The following UBA2 variants were observed in gnomAD, a reference collection of about 807,000 sequenced individuals.
The protein encoded by UBA2 is ubiquitin like modifier activating enzyme 2.
Under a neutral mutation model 77.2 loss-of-function variants are expected in UBA2, and 11 were observed. The observed-to-expected ratio is 0.14, with a 90% CI of 0.09 to 0.24. UBA2 has a LOEUF of 0.24. Among genes scored for constraint, UBA2 ranks in the 10% least tolerant of loss-of-function variants. UBA2 has a pLI of 1.00. For missense variants in UBA2, 487 were observed against 781.7 expected, an observed-to-expected ratio of 0.62 and a Z score of 4.50; for synonymous variants, 278 against 276.7, an observed-to-expected ratio of 1.00 and a Z score of -0.05.
chr19:34,451,748 A>G (rs1467814236), intron 9 of UBA2, among the ~76,000 whole-genome samples: 4 of 151,880 alleles, frequency 2.6e-5, no homozygotes, highest in South Asian at 2.1e-4. Context: ...GGGTTTCACC[A>G]TGTTAGCCAG....
chr19:34,453,250 GCT>G (rs1423364323), intron 10 of UBA2, among the ~76,000 whole-genome samples: 5 of 152,140 alleles, frequency 3.3e-5, no homozygotes. Context: ...AAAGAACTAT[GCT>G]CTCAGTATTT....
chr19:34,444,951 C>G, intron 7 of UBA2, 49 bp from the exon 8 acceptor site: 1 of 1,568,440 alleles, frequency 6.4e-7, no homozygotes, highest in Admixed American at 1.9e-5. Flanking sequence ...GAAAAGAGTT[C>G]AGTTCTACAT....
At position 34,458,756 on chromosome 19, in the gene UBA2, T is replaced by C. The variant is rs762065525; in HGVS notation, c.1246-13T>C. ...CACGTTTCCGATTTCTGCCTGTTAT[T>C]TCTCCTCCAAAGATTTTTTTGAATA... On this transcript the variant is annotated splice_polypyrimidine_tract_variant and intron_variant, in intron 12 of 16. Coordinates refer to ENST00000246548, the MANE Select transcript of UBA2 (RefSeq NM_005499.3). The C allele has an allele frequency of 1.2e-6, 2 of 1,605,652 alleles. No homozygotes were observed. Among genetic ancestry groups the C allele is most frequent in the South Asian group, 2.2e-5 (2 of 89,306 alleles).
At chr19:34,461,741 C>G (rs543436928) in intron 14 of UBA2, among the ~76,000 whole-genome samples, 112 of 152,162 alleles carry the variant, frequency 7.4e-4, no homozygotes, top group Non-Finnish European at 1.4e-3. Context: ...GACAACAGAC[C>G]TTGGCTTGAA....
At chr19:34,445,308 C>G (rs942357120) in intron 8 of UBA2, among the ~76,000 whole-genome samples, 187 bp downstream of exon 8, 1 of 152,092 alleles carries the variant, frequency 6.6e-6, no homozygotes, top group Non-Finnish European at 1.5e-5. Flanking sequence ...ACCATCTACA[C>G]TAAATCTATC....
chr19:34,435,383 TC>T (rs528683655), intron 5 of UBA2, among the ~76,000 whole-genome samples: 326 of 151,806 alleles, frequency 2.1e-3, no homozygotes, highest in African/African-American at 7.4e-3. Flanking sequence ...GGGCTACAGA[TC>T]AAGCCTCTGT....
chr19:34,454,607 A>T (rs1233918960), intron 12 of UBA2, 51 bp downstream of exon 12: 1 of 917,418 alleles, frequency 1.1e-6, no homozygotes, highest in African/African-American at 1.7e-5. Flanking sequence ...AAAAATCATT[A>T]ATTAAAAGTA....
chr19:34,448,436 GA>G (rs1163587746), intron 8 of UBA2, among the ~76,000 whole-genome samples: 2 of 148,810 alleles, frequency 1.3e-5, no homozygotes, highest in South Asian at 2.1e-4. Context: ...CTCTAAAAAC[GA>G]AAAAAAAATA....
chr19:34,435,259 A>G (rs925588494), intron 5 of UBA2, among the ~76,000 whole-genome samples: 6 of 152,056 alleles, frequency 3.9e-5, no homozygotes, highest in Non-Finnish European at 5.9e-5. Flanking sequence ...TTAGCTGGAC[A>G]TGGTGGCCGG....
chr19:34,430,442 A>G, intron 1 of UBA2, 134 bp from the exon 2 acceptor site: 2 of 509,400 alleles, frequency 3.9e-6, no homozygotes, highest in Admixed American at 6.8e-5. Context: ...CAATTTTGGT[A>G]TGGCGATTCG....
chr19:34,462,281 A>G (rs2075639955), intron 14 of UBA2, among the ~76,000 whole-genome samples: 1 of 152,160 alleles, frequency 6.6e-6, no homozygotes, highest in African/African-American at 2.4e-5. Flanking sequence ...AGATTTGCAA[A>G]GTCAGAACTT....
chr19:34,430,534 A>T (rs1480727916), intron 1 of UBA2, 42 bp from the exon 2 acceptor site: 1 of 1,482,206 alleles, frequency 6.7e-7, no homozygotes, highest in Admixed American at 1.7e-5. Flanking sequence ...GCTCAAACAT[A>T]CGTAAACGTT....
At chr19:34,457,179 A>AATATATATATATATATATAT (rs766043321) in intron 12 of UBA2, among the ~76,000 whole-genome samples, 6 of 53,224 alleles carry the variant, frequency 1.1e-4, no homozygotes, top group African/African-American at 2.3e-4. Flanking sequence ...AAAAAAAAAA[A>AATATATATATATATATATAT]ATATATATAT....
At chr19:34,441,156 CAG>C (rs1190253824) in intron 6 of UBA2, among the ~76,000 whole-genome samples, 3 of 151,900 alleles carry the variant, frequency 2.0e-5, no homozygotes, top group African/African-American at 7.3e-5. Flanking sequence ...TCTACTAAAA[CAG>C]AATAAAAACT....
rs553498579 is a variant in UBA2 at position 34,456,714 on chromosome 19, C to T, written c.1246-2055C>T. On this transcript the variant is annotated intron_variant, in intron 12 of 16. Transcript: ENST00000246548. Reference sequence around the variant, plus strand: ...CTGGGATTACAGGCGGGTGCCACCACGCCTGGCTAATTTTTGTAGTTTTAG... The same window carrying T: ...CTGGGATTACAGGCGGGTGCCACCATGCCTGGCTAATTTTTGTAGTTTTAG... 1.8e-4 allele frequency among the ~76,000 whole-genome samples: 28 copies of T among 151,908 alleles called. No individual in the cohort carries two copies. The East Asian group carries it at 4.7e-3, about 26-fold the overall frequency.
At position 34,435,057 on chromosome 19, in the gene UBA2, G is replaced by A. The variant is rs1040481908; in HGVS notation, c.459+89G>A. ...AATAAACTTTGTATTTATATAAAATGAACAGGTGAACATCCAAAATGTAAG... is the reference window on the plus strand; with the variant it reads ...AATAAACTTTGTATTTATATAAAATAAACAGGTGAACATCCAAAATGTAAG... On this transcript the variant is annotated intron_variant, in intron 5 of 16. Transcript: ENST00000246548. 1.5e-5 allele frequency: 14 copies of A among 909,996 alleles called. No homozygotes were observed. The African/African-American group carries it at 2.2e-4, about 14-fold the overall frequency. The allele number at this position is 909,996 out of a possible 1,614,324, so 56.4% of individuals were successfully genotyped here. A position where few individuals can be genotyped will look rare whatever the true frequency, so the allele number is the denominator to read the frequency against.
intron 10 of UBA2, among the ~76,000 whole-genome samples, chr19:34,453,478 A>G (rs1272649084): frequency 6.6e-6 from 1 of 152,004 alleles, no homozygotes; most frequent in Non-Finnish European, 1.5e-5. Flanking sequence ...GGGAGTGAAA[A>G]AGAGTCATCC....
chr19:34,460,643 T>C, intron 14 of UBA2, 77 bp downstream of exon 14: 1 of 1,050,682 alleles, frequency 9.5e-7, no homozygotes, highest in Non-Finnish European at 1.4e-6. Context: ...ATTCATTTAC[T>C]GTATGTGATA....
intron 15 of UBA2, among the ~76,000 whole-genome samples, chr19:34,466,287 G>A (rs1388958694): frequency 6.6e-6 from 1 of 152,162 alleles, no homozygotes; most frequent in African/African-American, 2.4e-5. Context: ...AGTGAACCGA[G>A]ATCACGCTAC....
Sources: gnomAD v4.1 joint callset for allele counts (sites outside exome capture counted in the v4.1 genomes callset) on GRCh38, gnomAD v4.1.1 for gene constraint, MANE v1.5 for transcripts, NCBI Gene and HGNC (gene_info 2026-07-23, HGNC 2026-07-21) for gene names.